The following ATRX variants were observed in gnomAD, a reference collection of about 807,000 sequenced individuals.
ATRX encodes the protein chromatin remodeler ATRX.
A neutral mutation model predicts 172.6 loss-of-function variants in ATRX; 12 were observed. The observed-to-expected ratio is 0.07, with a 90% CI of 0.04 to 0.11. The LOEUF (loss-of-function observed/expected upper bound fraction) is 0.11. Ranked by LOEUF, ATRX falls within the 10% of genes least tolerant of loss-of-function variation. The pLI is 1.00. For missense variants in ATRX, 1,368 were observed against 1,767.4 expected (o/e 0.77, Z 4.05); for synonymous variants, 674 against 594.7 (o/e 1.13, Z -1.94).
rs2069418640 is a variant in ATRX at position 77,654,090 on chromosome X, A to G, written c.4317+8T>C. 8.4e-7 allele frequency: 1 copy of G among 1,193,956 alleles called. No individual in the cohort carries two copies. Among genetic ancestry groups the G allele is most frequent in the African/African-American group, 1.8e-5 (1 of 57,011 alleles). Reference sequence around the variant, plus strand: ...ATAATTCAAGCATGTGGTAAATGTCATTATTACCTTGTTTTCACTGGATGA... The same window carrying G: ...ATAATTCAAGCATGTGGTAAATGTCGTTATTACCTTGTTTTCACTGGATGA... On this transcript the variant is annotated splice_region_variant and intron_variant, in intron 14 of 34. Coordinates refer to ENST00000373344, the MANE Select transcript of ATRX (RefSeq NM_000489.6).
chrX:77,584,090 A>C (rs2065923873), intron 27 of ATRX, among the ~76,000 whole-genome samples: 2 of 112,027 alleles, frequency 1.8e-5, no homozygotes, highest in Non-Finnish European at 3.8e-5. Context: ...CAATAGCTAT[A>C]AATAAAATAC....
chrX:77,520,752 CA>C, intron 34 of ATRX, 35 bp downstream of exon 34: 1 of 1,192,073 alleles, frequency 8.4e-7, no homozygotes, highest in Non-Finnish European at 1.1e-6. Flanking sequence ...GAAAATTAAA[CA>C]TAACCTAGAA....
At chrX:77,611,325 T>C (rs896017746) in intron 22 of ATRX, among the ~76,000 whole-genome samples, 1 of 111,766 alleles carries the variant, frequency 8.9e-6, no homozygotes, top group Admixed American at 9.6e-5. Context: ...TCCAAATTAC[T>C]GTCCAATTTA....
intron 1 of ATRX, among the ~76,000 whole-genome samples, chrX:77,720,976 C>A (rs1557168693): frequency 8.9e-6 from 1 of 111,766 alleles, no homozygotes; most frequent in African/African-American, 3.2e-5. Flanking sequence ...AGCTTATCCA[C>A]CACGATCAAG....
intron 2 of ATRX, among the ~76,000 whole-genome samples, chrX:77,714,725 C>T (rs1557163703): frequency 9.0e-6 from 1 of 111,554 alleles, no homozygotes; most frequent in African/African-American, 3.3e-5. Context: ...CACAAAGTAA[C>T]ACACCTGTAC....
At chrX:77,522,991 C>T (rs935998206) in intron 31 of ATRX, among the ~76,000 whole-genome samples, 6 of 111,168 alleles carry the variant, frequency 5.4e-5, no homozygotes, top group Non-Finnish European at 9.5e-5. Flanking sequence ...TGGCTTCCCA[C>T]TCATTTCTCA....
chrX:77,742,535 G>C (rs1197011876), intron 1 of ATRX, among the ~76,000 whole-genome samples: 2 of 111,802 alleles, frequency 1.8e-5, no homozygotes, highest in African/African-American at 6.5e-5. Context: ...ATGACTGCAA[G>C]AATTTCAAGC....
At chrX:77,551,364 G>A (rs2064505274) in intron 30 of ATRX, among the ~76,000 whole-genome samples, 2 of 111,913 alleles carry the variant, frequency 1.8e-5, no homozygotes, top group Middle Eastern at 4.2e-3. Context: ...AAGAAATGGG[G>A]AAAGGATTCC....
intron 1 of ATRX, among the ~76,000 whole-genome samples, chrX:77,729,769 T>C (rs782511694): frequency 8.1e-5 from 9 of 110,520 alleles, no homozygotes; most frequent in African/African-American, 3.0e-4. Flanking sequence ...ATCCCATCTC[T>C]ACTAAAAATA....
intron 30 of ATRX, among the ~76,000 whole-genome samples, chrX:77,544,850 C>A (rs782540854): frequency 1.8e-5 from 2 of 110,860 alleles, no homozygotes; most frequent in African/African-American, 6.6e-5. Flanking sequence ...CAAGTCTTTG[C>A]TATCGTGAAT....
At chrX:77,736,886 C>T (rs2074592766) in intron 1 of ATRX, among the ~76,000 whole-genome samples, 1 of 111,417 alleles carries the variant, frequency 9.0e-6, no homozygotes, top group South Asian at 3.7e-4. Flanking sequence ...TACTATTCAG[C>T]CATAAAAAAG....
At chrX:77,654,044 C>T (rs1317771888) in intron 14 of ATRX, 54 bp downstream of exon 14, 11 of 988,893 alleles carry the variant, frequency 1.1e-5, no homozygotes, top group Admixed American at 2.2e-5. Context: ...AGCATAATTA[C>T]CATAGTCTAC....
chrX:77,717,056 A>T, intron 2 of ATRX, 75 bp downstream of exon 2: 1 of 860,338 alleles, frequency 1.2e-6, no homozygotes, highest in Non-Finnish European at 1.7e-6. Flanking sequence ...GAATAAAATA[A>T]ATGGTTACCT....
chrX:77,625,156 T>C (rs1557102172), intron 19 of ATRX, among the ~76,000 whole-genome samples: 1 of 112,043 alleles, frequency 8.9e-6, no homozygotes. Flanking sequence ...AGACACCCTT[T>C]TCAACAAATG....
chrX:77,539,571 G>C (rs903964033), intron 30 of ATRX, among the ~76,000 whole-genome samples: 5 of 108,974 alleles, frequency 4.6e-5, no homozygotes, highest in African/African-American at 1.7e-4. Flanking sequence ...AAAAAAAAAA[G>C]AGACATAACA....
rs1557099248 is a variant in ATRX, at chrX:77,620,450, T to G, written c.5217A>C (p.Arg1739=). 6.6e-6 allele frequency: 8 copies of G among 1,206,153 alleles called. No individual in the cohort carries two copies. The highest frequency in any genetic ancestry group is 9.0e-6 in the Non-Finnish European group (8 of 891,910). The part of the protein sequence containing the change: ...SAVSKAMNSI[R]SRRRIILTGT... ...CTGTTAAAATAATCCTCCTCCTTGATCGTATAGAATTCATAGCTTTAGAAA... is the reference window on the plus strand; with the variant it reads ...CTGTTAAAATAATCCTCCTCCTTGAGCGTATAGAATTCATAGCTTTAGAAA... Residue 1739 remains arginine, a synonymous_variant, in exon 20 of 35, where the codon CGA becomes CGC. Transcript: ENST00000373344.
At chrX:77,678,552 T>C (rs782677131) in intron 9 of ATRX, among the ~76,000 whole-genome samples, 1 of 112,210 alleles carries the variant, frequency 8.9e-6, no homozygotes, top group Non-Finnish European at 1.9e-5. Flanking sequence ...AGTGGCGCGA[T>C]CGTGGCTCAC....
chrX:77,733,594 C>A (rs1031035669), intron 1 of ATRX, among the ~76,000 whole-genome samples: 2 of 107,676 alleles, frequency 1.9e-5, no homozygotes, highest in Non-Finnish European at 3.8e-5. Flanking sequence ...TGGGGCCAGG[C>A]ACAGTGGCTC....
At chrX:77,742,158 G>C (rs1223485811) in intron 1 of ATRX, among the ~76,000 whole-genome samples, 6 of 111,605 alleles carry the variant, frequency 5.4e-5, no homozygotes, top group Non-Finnish European at 9.4e-5. Flanking sequence ...ATAAATATTA[G>C]ACCAACTAAG....
Sources: allele counts gnomAD v4.1 joint callset (sites outside exome capture counted in the v4.1 genomes callset), GRCh38; gene constraint gnomAD v4.1.1; transcripts MANE v1.5; gene names NCBI Gene and HGNC (gene_info 2026-07-23, HGNC 2026-07-21).